KCNIP4: variants seen among roughly 807,000 people sequenced by gnomAD.
The protein encoded by KCNIP4 is Kv channel-interacting protein 4.
In KCNIP4, 12 loss-of-function variants were observed where a neutral mutation model predicts 34.0. The ratio of observed to expected loss-of-function variants is 0.35; its 90% CI spans 0.23 to 0.57. The LOEUF is 0.57. Among genes scored for constraint, KCNIP4 ranks in the 20% least tolerant of loss-of-function variants. The probability of loss-of-function intolerance (pLI) is 0.83; values close to 1 mark genes in which losing one functional copy is unlikely to be tolerated. For synonymous variants in KCNIP4, 124 were observed against 102.2 expected (o/e 1.21, Z -1.29); for missense variants, 238 against 311.7 (o/e 0.76, Z 1.78).
At chr4:21,441,341 C>T (rs1032412767) in intron 1 of KCNIP4, among the ~76,000 whole-genome samples, 1 of 151,872 alleles carries the variant, frequency 6.6e-6, no homozygotes, top group African/African-American at 2.4e-5. Context: ...GACAGGGTTT[C>T]ACCGTGTTAG....
At chr4:21,440,918 A>C (rs926770965) in intron 1 of KCNIP4, among the ~76,000 whole-genome samples, 1 of 152,158 alleles carries the variant, frequency 6.6e-6, no homozygotes, top group Non-Finnish European at 1.5e-5. Context: ...AAAGAAAATT[A>C]ATAAATATAA....
intron 2 of KCNIP4, among the ~76,000 whole-genome samples, chr4:20,881,079 ATC>A (rs961864430): frequency 2.0e-5 from 3 of 152,136 alleles, no homozygotes; most frequent in Admixed American, 6.6e-5. Context: ...TTGGTTTTTA[ATC>A]TGTTTTAGTC....
intron 1 of KCNIP4, among the ~76,000 whole-genome samples, chr4:21,934,119 G>A (rs1470034840): frequency 2.6e-5 from 4 of 152,018 alleles, no homozygotes; most frequent in Non-Finnish European, 5.9e-5. Context: ...TGGAAATGCA[G>A]GTGCATGATC....
At chr4:21,267,919 G>T (rs939601587) in intron 1 of KCNIP4, among the ~76,000 whole-genome samples, 1 of 151,596 alleles carries the variant, frequency 6.6e-6, no homozygotes, top group Admixed American at 6.6e-5. Context: ...GTTTCAGAAG[G>T]AATGGTACCA....
chr4:21,444,219 C>T (rs1350681070), intron 1 of KCNIP4, among the ~76,000 whole-genome samples: 1 of 152,160 alleles, frequency 6.6e-6, no homozygotes, highest in Non-Finnish European at 1.5e-5. Flanking sequence ...GGTACCATTC[C>T]TTCTGAAACT....
intron 1 of KCNIP4, among the ~76,000 whole-genome samples, chr4:21,519,490 ATG>A (rs1291819622): frequency 2.4e-5 from 2 of 84,526 alleles, no homozygotes; most frequent in South Asian, 4.1e-4. Flanking sequence ...ATATACACAT[ATG>A]TGTGTATGTG....
chr4:21,422,502 C>T (rs980628185), intron 1 of KCNIP4, among the ~76,000 whole-genome samples: 40 of 152,092 alleles, frequency 2.6e-4, no homozygotes, highest in Middle Eastern at 3.4e-3. Context: ...GCCTGGCCCA[C>T]TTACCTTTTT....
intron 1 of KCNIP4, among the ~76,000 whole-genome samples, chr4:21,548,585 A>G (rs1037509130): frequency 6.6e-6 from 1 of 152,234 alleles, no homozygotes; most frequent in East Asian, 1.9e-4. Context: ...TCTAAAAAAA[A>G]AAAGCAAACT....
chr4:20,733,384 C>CT (rs1748820721), intron 6 of KCNIP4, among the ~76,000 whole-genome samples: 1 of 152,136 alleles, frequency 6.6e-6, no homozygotes, highest in African/African-American at 2.4e-5. Context: ...TGCCTTACCA[C>CT]TTTCATTCTT....
intron 1 of KCNIP4, among the ~76,000 whole-genome samples, chr4:21,197,432 C>T (rs1756136542): frequency 6.6e-6 from 1 of 152,096 alleles, no homozygotes; most frequent in South Asian, 2.1e-4. Context: ...TGGATTGCTT[C>T]CAATAGCTCT....
intron 1 of KCNIP4, among the ~76,000 whole-genome samples, chr4:21,353,457 T>C (rs1010445899): frequency 3.9e-5 from 6 of 152,140 alleles, no homozygotes; most frequent in African/African-American, 1.2e-4. Context: ...CCTTAAATGA[T>C]GTGATGGAGC....
intron 1 of KCNIP4, chr4:21,613,660 A>T (rs1744344631): frequency 6.6e-6 from 1 of 152,202 alleles, no homozygotes; most frequent in African/African-American, 2.4e-5. Context: ...CACTAACCCT[A>T]AAATAATCTC....
intron 1 of KCNIP4, among the ~76,000 whole-genome samples, chr4:21,263,493 C>CAAAG (rs1427603631): frequency 1.3e-5 from 2 of 152,094 alleles, no homozygotes; most frequent in African/African-American, 4.8e-5. Flanking sequence ...GACTAAGCTT[C>CAAAG]TGGGCCTTCA....
At chr4:21,028,654 T>C (rs1050220515) in intron 1 of KCNIP4, among the ~76,000 whole-genome samples, 10 of 152,194 alleles carry the variant, frequency 6.6e-5, no homozygotes, top group African/African-American at 2.4e-4. Context: ...TACCTTCTAA[T>C]ATGTGTTACA....
intron 1 of KCNIP4, among the ~76,000 whole-genome samples, chr4:21,898,384 C>T (rs531823211): frequency 1.3e-5 from 2 of 152,182 alleles, no homozygotes; most frequent in African/African-American, 4.8e-5. Flanking sequence ...GAGACTCCTT[C>T]CTTTTGCTTG....
At chr4:21,511,502 A>C (rs1425098955) in intron 1 of KCNIP4, among the ~76,000 whole-genome samples, 2 of 152,176 alleles carry the variant, frequency 1.3e-5, no homozygotes, top group Non-Finnish European at 2.9e-5. Context: ...TTTCCAAAGA[A>C]AATTGGAAAG....
intron 1 of KCNIP4, among the ~76,000 whole-genome samples, chr4:20,960,598 T>C (rs1199424059): frequency 6.6e-6 from 1 of 152,194 alleles, no homozygotes; most frequent in African/African-American, 2.4e-5. Context: ...TGGAAATCTG[T>C]GCAAGGCAAT....
At chr4:21,631,884 T>C (rs1303754642) in intron 1 of KCNIP4, among the ~76,000 whole-genome samples, 1 of 152,220 alleles carries the variant, frequency 6.6e-6, no homozygotes, top group Non-Finnish European at 1.5e-5. Flanking sequence ...CCATCATTTA[T>C]ACATTACCCA....
chr4:21,543,584 G>A, intron 1 of KCNIP4, among the ~76,000 whole-genome samples: 1 of 152,190 alleles, frequency 6.6e-6, no homozygotes, highest in Middle Eastern at 3.4e-3. Context: ...TAGCTAATAT[G>A]TCAGCTGTGA....
Sources: gnomAD v4.1 joint callset for allele counts (sites outside exome capture counted in the v4.1 genomes callset) on GRCh38, gnomAD v4.1.1 for gene constraint, MANE v1.5 for transcripts, NCBI Gene and HGNC (gene_info 2026-07-23, HGNC 2026-07-21) for gene names.